The following NBAS variants were observed in gnomAD, a reference collection of about 807,000 sequenced individuals.
NBAS encodes NAG/BC035112 fusion.
In NBAS, 219 loss-of-function variants were observed where a neutral mutation model predicts 302.5. That is an observed-to-expected ratio of 0.72 (90% CI 0.65 to 0.81). NBAS has a LOEUF of 0.81. NBAS is among the 30% of genes least tolerant of loss of function. The pLI is 0.00. For missense variants in NBAS, 2,932 were observed against 2,841.6 expected (o/e 1.03, Z -0.72); for synonymous variants, 1,118 against 1,021.6 (o/e 1.09, Z -1.80).
the NBAS span, among the ~76,000 whole-genome samples, chr2:14,968,572 C>T: frequency 6.6e-6 from 1 of 152,142 alleles, no homozygotes; most frequent in Non-Finnish European, 1.5e-5. Flanking sequence ...TGAATAGCTG[C>T]AATTATAGGG....
the NBAS span, among the ~76,000 whole-genome samples, chr2:14,937,139 G>A: frequency 6.6e-6 from 1 of 152,160 alleles, no homozygotes; most frequent in Non-Finnish European, 1.5e-5. Flanking sequence ...AGAGTGAAGA[G>A]GGAGACTTTG....
intron 19 of NBAS, among the ~76,000 whole-genome samples, chr2:15,464,553 C>G (rs1239666090): frequency 6.6e-6 from 1 of 152,028 alleles, no homozygotes; most frequent in African/African-American, 2.4e-5. Flanking sequence ...TCCTCCTCAC[C>G]CTCTACTACT....
the NBAS span, among the ~76,000 whole-genome samples, chr2:14,942,216 G>C: frequency 6.6e-6 from 1 of 152,190 alleles, no homozygotes; most frequent in African/African-American, 2.4e-5. Context: ...CAGTTATCTA[G>C]AAGGCACCCT....
the NBAS span, among the ~76,000 whole-genome samples, chr2:15,108,268 A>G: frequency 2.0e-5 from 3 of 152,038 alleles, no homozygotes; most frequent in African/African-American, 7.2e-5. Context: ...CTTTTAATTT[A>G]CCTAATTTAA....
chr2:15,282,423 T>G (rs897754998), intron 42 of NBAS, among the ~76,000 whole-genome samples: 3 of 152,184 alleles, frequency 2.0e-5, no homozygotes, highest in Non-Finnish European at 4.4e-5. Context: ...GCAGATGCAA[T>G]ATAGTTTACT....
At chr2:14,995,915 C>T in the NBAS span, among the ~76,000 whole-genome samples, 2 of 152,058 alleles carry the variant, frequency 1.3e-5, no homozygotes, top group Non-Finnish European at 2.9e-5. Context: ...AGCCCATGCC[C>T]CATGGTTATA....
the NBAS span, among the ~76,000 whole-genome samples, chr2:15,021,894 G>T: frequency 6.6e-6 from 1 of 152,164 alleles, no homozygotes; most frequent in East Asian, 1.9e-4. Flanking sequence ...TTAGTCACTG[G>T]TCATCTCTGA....
At chr2:14,994,384 T>C in the NBAS span, among the ~76,000 whole-genome samples, 14 of 152,162 alleles carry the variant, frequency 9.2e-5, no homozygotes, top group African/African-American at 2.9e-4. Flanking sequence ...TAGCATCCAG[T>C]CTTGCTGAAT....
the NBAS span, among the ~76,000 whole-genome samples, chr2:15,004,545 A>C: frequency 5.3e-5 from 8 of 152,182 alleles, no homozygotes; most frequent in Non-Finnish European, 1.2e-4. Context: ...CCCTCTGTCC[A>C]GACTGGGGTG....
intron 38 of NBAS, among the ~76,000 whole-genome samples, chr2:15,318,203 T>C (rs191320638): frequency 6.6e-6 from 1 of 152,200 alleles, no homozygotes; most frequent in Admixed American, 6.5e-5. Flanking sequence ...AATGCTGAGA[T>C]TTTGTCACTA....
At chr2:15,366,017 C>T (rs1047423969) in intron 32 of NBAS, among the ~76,000 whole-genome samples, 11 of 152,220 alleles carry the variant, frequency 7.2e-5, no homozygotes, top group Admixed American at 5.9e-4. Flanking sequence ...CTTCTCTCAT[C>T]TCCAACTTCC....
chr2:14,910,745 T>C, the NBAS span, among the ~76,000 whole-genome samples: 5 of 152,250 alleles, frequency 3.3e-5, no homozygotes, highest in South Asian at 2.1e-4. Flanking sequence ...GGATTTAATA[T>C]CTGATTTTCC....
At chr2:15,014,570 C>T in the NBAS span, among the ~76,000 whole-genome samples, 37 of 151,930 alleles carry the variant, frequency 2.4e-4, no homozygotes, top group Non-Finnish European at 3.8e-4. Context: ...CTTAAAATTC[C>T]TCGAAACAAA....
downstream of NBAS, among the ~76,000 whole-genome samples, chr2:15,165,428 G>T (rs1663992882): frequency 6.6e-6 from 1 of 152,220 alleles, no homozygotes; most frequent in Non-Finnish European, 1.5e-5. Flanking sequence ...ATTGGGAAAG[G>T]AACTCAATCT....
At chr2:15,445,253 C>G (rs1423286667) in intron 21 of NBAS, among the ~76,000 whole-genome samples, 77 of 146,270 alleles carry the variant, frequency 5.3e-4, no homozygotes, top group African/African-American at 1.9e-3. Flanking sequence ...TTGGAACCAA[C>G]CCAAATGTCC....
chr2:15,426,392 T>C (rs1677479338), intron 22 of NBAS, among the ~76,000 whole-genome samples: 1 of 152,228 alleles, frequency 6.6e-6, no homozygotes. Flanking sequence ...AGCAATAGGC[T>C]TGAATTATTT....
the NBAS span, among the ~76,000 whole-genome samples, chr2:15,062,357 G>A: frequency 1.3e-5 from 2 of 152,208 alleles, no homozygotes; most frequent in South Asian, 2.1e-4. Context: ...ACAGAGCGAT[G>A]AGATGCATGC....
chr2:14,797,198 A>G, the NBAS span, among the ~76,000 whole-genome samples: 1 of 151,392 alleles, frequency 6.6e-6, no homozygotes, highest in Admixed American at 6.6e-5. Context: ...GGCGTTGTCC[A>G]CTTCAGGACC....
the NBAS span, among the ~76,000 whole-genome samples, chr2:14,928,800 G>C: frequency 6.6e-6 from 1 of 152,090 alleles, no homozygotes; most frequent in African/African-American, 2.4e-5. Context: ...GTGAATCTCA[G>C]TCCTTGTAGG....
Sources: allele counts gnomAD v4.1 joint callset (sites outside exome capture counted in the v4.1 genomes callset), GRCh38; gene constraint gnomAD v4.1.1; transcripts MANE v1.5; gene names NCBI Gene and HGNC (gene_info 2026-07-23, HGNC 2026-07-21).